RAD51: variants seen among roughly 807,000 people sequenced by gnomAD.
RAD51 encodes DNA repair protein RAD51 homolog 1.
A neutral mutation model predicts 41.5 loss-of-function variants in RAD51; 14 were observed. The observed-to-expected ratio is 0.34, with a 90% CI of 0.22 to 0.53. RAD51 has a LOEUF of 0.53. RAD51 is among the 20% of genes least tolerant of loss of function. RAD51 has a pLI of 0.95. For synonymous variants in RAD51, 136 were observed against 148.6 expected, an observed-to-expected ratio of 0.92 and a Z score of 0.62; for missense variants, 234 against 422.0, an observed-to-expected ratio of 0.55 and a Z score of 3.90.
At chr15:40,708,952 C>T (rs1595991286) in intron 4 of RAD51, 73 bp from the exon 5 acceptor site, 1 of 1,303,268 alleles carries the variant, frequency 7.7e-7, no homozygotes, top group East Asian at 2.3e-5. Flanking sequence ...TGATGAGCTC[C>T]AAGAACATTT....
At chr15:40,704,900 C>T (rs1437094491) in intron 3 of RAD51, among the ~76,000 whole-genome samples, 1 of 152,012 alleles carries the variant, frequency 6.6e-6, no homozygotes, top group East Asian at 1.9e-4. Flanking sequence ...GAACTCCTGA[C>T]CTTGTGATCT....
At chr15:40,722,531 T>G (rs1284898589) in intron 6 of RAD51, among the ~76,000 whole-genome samples, 1 of 127,754 alleles carries the variant, frequency 7.8e-6, no homozygotes, top group Non-Finnish European at 1.7e-5. Context: ...GACTGGGGAG[T>G]TGTTGTTTAA....
intron 5 of RAD51, among the ~76,000 whole-genome samples, chr15:40,710,262 A>C (rs1433650705): frequency 1.4e-5 from 2 of 143,992 alleles, no homozygotes; most frequent in Non-Finnish European, 3.1e-5. Context: ...AAAAAAAAAA[A>C]AAAAAAAAGA....
In RAD51 at chr15:40,729,571, G is replaced by A. The variant is rs2141882368; in HGVS notation, c.711G>A (p.Glu237=). The change falls in exon 8 of 10, where the codon GAG becomes GAA. Residue 237 remains glutamate (E), a synonymous_variant. Coordinates refer to ENST00000267868, the MANE Select transcript of RAD51 (RefSeq NM_002875.5). ...LYRTDYSGRG[E]LSARQMHLAR... ...GAACAGACTACTCGGGTCGAGGTGA[G>A]CTTTCAGCCAGGCAGATGCACTTGG... 1 of 1,614,060 alleles carries A rather than the reference G, an allele frequency of 6.2e-7. No individual in the cohort carries two copies. Among genetic ancestry groups the A allele is most frequent in the Non-Finnish European group, 8.5e-7 (1 of 1,180,006 alleles).
At chr15:40,715,488 A>G (rs1362593928) in intron 5 of RAD51, among the ~76,000 whole-genome samples, 3 of 152,240 alleles carry the variant, frequency 2.0e-5, no homozygotes, top group African/African-American at 7.2e-5. Context: ...GCATAATTAA[A>G]ATGGTAAAAG....
At chr15:40,695,686 C>G (rs1894577099) in intron 1 of RAD51, 1 of 152,242 alleles carries the variant, frequency 6.6e-6, no homozygotes, top group East Asian at 1.9e-4. Flanking sequence ...GCGAGAAGTC[C>G]GAGATCAGAG....
intron 7 of RAD51, 31 bp from the exon 8 acceptor site, chr15:40,729,474 A>G (rs770093961): frequency 6.2e-6 from 10 of 1,611,732 alleles, no homozygotes; most frequent in Non-Finnish European, 7.6e-6. Context: ...CAGGCTAGAA[A>G]TAGGCTTCAG....
At chr15:40,701,043 C>T (rs765232864) in intron 2 of RAD51, 21 bp from the exon 3 acceptor site, 4 of 1,613,826 alleles carry the variant, frequency 2.5e-6, no homozygotes, top group South Asian at 1.1e-5. Context: ...TAAATTTATC[C>T]ATGGTTTTCT....
chr15:40,704,543 G>T (rs1895210176), intron 3 of RAD51, among the ~76,000 whole-genome samples: 1 of 151,174 alleles, frequency 6.6e-6, no homozygotes, highest in South Asian at 2.1e-4. Flanking sequence ...TGTATTTTTA[G>T]TAGAAATGGG....
At position 40,731,458 on chromosome 15, in the gene RAD51, A is replaced by C. The variant is rs954921437; in HGVS notation, c.*280A>C. ...TGAAGTATCTTTGACATGGTGCCTT[A>C]GGAATGACTTGGGTTTAACAAGCTG... On this transcript the variant is annotated 3_prime_UTR_variant, in exon 10 of 10. Coordinates refer to ENST00000267868, the MANE Select transcript of RAD51 (RefSeq NM_002875.5). The C allele has an allele frequency of 2.2e-6, 1 of 451,622 alleles. No individual in the cohort carries two copies. The highest frequency in any genetic ancestry group is 4.1e-6 in the Non-Finnish European group (1 of 245,186). The allele number at this position is 451,622 out of a possible 1,614,324, so 28.0% of individuals were successfully genotyped here.
intron 8 of RAD51, 60 bp downstream of exon 8, chr15:40,729,694 C>T: frequency 6.2e-7 from 1 of 1,612,370 alleles, no homozygotes; most frequent in African/African-American, 1.3e-5. Context: ...TTCCAGGAGC[C>T]TTGCTAGGAG....
chr15:40,718,945 A>G (rs981297898), intron 6 of RAD51, 46 bp downstream of exon 6: 17 of 1,507,004 alleles, frequency 1.1e-5, no homozygotes, highest in Middle Eastern at 1.7e-4. Flanking sequence ...ACACTTATCA[A>G]TGTAGTGATT....
intron 5 of RAD51, among the ~76,000 whole-genome samples, chr15:40,718,152 G>T (rs909290893): frequency 2.6e-5 from 4 of 152,178 alleles, no homozygotes; most frequent in African/African-American, 9.7e-5. Flanking sequence ...GAGCCCGGAA[G>T]GCAGAGGTTG....
chr15:40,713,266 T>G (rs901166207), intron 5 of RAD51, among the ~76,000 whole-genome samples: 11 of 148,148 alleles, frequency 7.4e-5, no homozygotes, highest in Non-Finnish European at 1.5e-4. Context: ...TTTTTTTATT[T>G]GAGACGGAGT....
intron 5 of RAD51, among the ~76,000 whole-genome samples, chr15:40,713,151 G>C (rs1456067237): frequency 6.6e-6 from 1 of 151,186 alleles, no homozygotes; most frequent in Non-Finnish European, 1.5e-5. Context: ...CAAAGTGCTG[G>C]GATTACAGGA....
intron 4 of RAD51, 27 bp from the exon 5 acceptor site, chr15:40,708,997 TA>T: frequency 6.4e-7 from 1 of 1,551,784 alleles, no homozygotes; most frequent in Non-Finnish European, 8.9e-7. Flanking sequence ...TGTATTATGC[TA>T]AGAGTTATTT....
At chr15:40,703,577 C>T (rs1022689538) in intron 3 of RAD51, among the ~76,000 whole-genome samples, 1 of 152,070 alleles carries the variant, frequency 6.6e-6, no homozygotes, top group Non-Finnish European at 1.5e-5. Flanking sequence ...TAAGAATTTG[C>T]TTATTTCATC....
At position 40,728,785 on chromosome 15, in the gene RAD51, A is replaced by G. The variant is rs1468791932; in HGVS notation, c.605A>G (p.Gln202Arg). Residue 202 changes from glutamine to arginine, a missense_variant, in exon 7 of 10, where the codon CAG (glutamine) becomes CGG (arginine). By Grantham distance (43) the Gln-to-Arg change is conservative. This residue lies in a region of RAD51 where 134 missense variants were observed against 286.5 expected (regional missense o/e 0.47). Coordinates refer to ENST00000267868, the MANE Select transcript of RAD51 (RefSeq NM_002875.5). ...GCGTTCAACACAGACCACCAGACCCAGCTCCTTTATCAAGCATCAGCCATG... is the reference window on the plus strand; with the variant it reads ...GCGTTCAACACAGACCACCAGACCCGGCTCCTTTATCAAGCATCAGCCATG... ...ARAFNTDHQT[Q>R]LLYQASAMMV... The G allele has an allele frequency of 2.5e-6, 4 of 1,613,960 alleles. No homozygotes were observed. The highest frequency in any genetic ancestry group is 3.4e-6 in the Non-Finnish European group (4 of 1,179,946).
intron 5 of RAD51, among the ~76,000 whole-genome samples, chr15:40,712,904 A>G (rs1895781761): frequency 7.2e-6 from 1 of 139,306 alleles, no homozygotes; most frequent in Admixed American, 7.2e-5. Flanking sequence ...TTTGAGAAAG[A>G]GTCTTGCTCT....
Sources: allele counts gnomAD v4.1 joint callset (sites outside exome capture counted in the v4.1 genomes callset), GRCh38; gene constraint gnomAD v4.1.1; regional missense constraint gnomAD v4.1.1; transcripts MANE v1.5; gene names NCBI Gene and HGNC (gene_info 2026-07-23, HGNC 2026-07-21).